Variants in RRAGB observed in about 807,000 individuals in gnomAD.
RRAGB encodes ras-related GTP-binding protein B.
Under a neutral mutation model 29.3 loss-of-function variants are expected in RRAGB, and 6 were observed. The ratio of observed to expected loss-of-function variants is 0.21; its 90% CI spans 0.11 to 0.40. The LOEUF (loss-of-function observed/expected upper bound fraction) is 0.40, where lower values mean the gene tolerates loss of function less well. Ranked by LOEUF, RRAGB falls within the 10% of genes least tolerant of loss-of-function variation. The pLI is 1.00. For synonymous variants in RRAGB, 101 were observed against 92.5 expected, an observed-to-expected ratio of 1.09 and a Z score of -0.53; for missense variants, 184 against 272.9, an observed-to-expected ratio of 0.67 and a Z score of 2.29.
chrX:55,739,331 T>G (rs979289240), intron 5 of RRAGB, among the ~76,000 whole-genome samples: 1 of 112,435 alleles, frequency 8.9e-6, no homozygotes, highest in African/African-American at 3.2e-5. Flanking sequence ...ACTCGAGAGA[T>G]TAGACTGCAG....
Position 55,724,994 on chromosome X carries a change from A to G in RRAGB, c.226+2709A>G, listed in dbSNP as rs145408708. On this transcript the variant is annotated intron_variant, in intron 3 of 9. Coordinates refer to ENST00000374941, the MANE Select transcript of RRAGB (RefSeq NM_006064.5). The stretch of plus-strand genomic sequence containing the variant: ...TGTTGAAGCATCTTTTTCTAGTCCA[A>G]TTGCTGTTGCTGTTTTTATATAGCT... 2.0e-4 allele frequency among the ~76,000 whole-genome samples: 22 copies of G among 111,990 alleles called. No homozygotes were observed. The East Asian group carries it at 5.0e-3, about 26-fold the overall frequency.
chrX:55,756,104 C>T (rs149725679), intron 8 of RRAGB, among the ~76,000 whole-genome samples, 172 bp downstream of exon 8: 1,720 of 111,478 alleles, frequency 0.015, 13 homozygotes, highest in Middle Eastern at 0.041. Flanking sequence ...AGGTCGTTGT[C>T]CTTTAATGCA....
chrX:55,754,278 G>A (rs756620710), intron 7 of RRAGB, among the ~76,000 whole-genome samples: 47 of 112,593 alleles, frequency 4.2e-4, no homozygotes, highest in Admixed American at 3.7e-4. Context: ...AAAGAGGCAT[G>A]TTGGTATTTT....
In RRAGB at chrX:55,726,445, GTCTGTAATA is replaced by G. The variant is rs1477697053; in HGVS notation, c.227-2847_227-2839del. 4.5e-5 allele frequency among the ~76,000 whole-genome samples: 5 copies of G among 111,507 alleles called. No homozygotes were observed. The East Asian group carries it at 8.4e-4, about 19-fold the overall frequency. On this transcript the variant is annotated intron_variant, in intron 3 of 9. Transcript: ENST00000374941. ...CTGCATTTTGGAGAGAGATCACTCT[GTCTGTAATA>G]TGGAGGATAGATTGGAGGGAGGGAA...
intron 5 of RRAGB, among the ~76,000 whole-genome samples, chrX:55,746,671 C>T (rs2034257671): frequency 8.9e-6 from 1 of 112,155 alleles, no homozygotes; most frequent in Non-Finnish European, 1.9e-5. Context: ...TTGAACATTA[C>T]AATGTCCCTA....
In RRAGB at chrX:55,758,232, G is replaced by A. The variant is rs367683161; in HGVS notation, c.944-14G>A. Reference sequence around the variant, plus strand: ...ATACTTAATTCTGTTGGGTGTTTCCGCCCCCGCCCTCAGCTTCTGCAGCTA... The same window carrying A: ...ATACTTAATTCTGTTGGGTGTTTCCACCCCCGCCCTCAGCTTCTGCAGCTA... On this transcript the variant is annotated splice_polypyrimidine_tract_variant and intron_variant, in intron 9 of 9. Coordinates refer to ENST00000374941, the MANE Select transcript of RRAGB (RefSeq NM_006064.5). 3.5e-4 allele frequency: 407 copies of A among 1,152,032 alleles called. 1 individual carries two copies. In the African/African-American group the frequency reaches 5.3e-3, roughly 15 times the overall value. 94.9% of individuals were successfully genotyped at this position (1,152,032 alleles called of 1,213,427 possible).
intron 2 of RRAGB, among the ~76,000 whole-genome samples, chrX:55,719,597 C>A (rs2033186084): frequency 8.9e-6 from 1 of 112,040 alleles, no homozygotes; most frequent in African/African-American, 3.2e-5. Flanking sequence ...CAAATGATTT[C>A]ATGGCCCTTT....
At chrX:55,751,291 G>A in intron 6 of RRAGB, 95 bp downstream of exon 6, 2 of 461,299 alleles carry the variant, frequency 4.3e-6, no homozygotes, top group Non-Finnish European at 7.0e-6. Context: ...CTATTTCATA[G>A]CCATCTAGAT....
intron 5 of RRAGB, among the ~76,000 whole-genome samples, chrX:55,749,127 C>T (rs1300758238): frequency 2.0e-5 from 2 of 98,777 alleles, no homozygotes; most frequent in Non-Finnish European, 4.1e-5. Flanking sequence ...GCCCGGCCAC[C>T]CCTACTGGGA....
intron 5 of RRAGB, among the ~76,000 whole-genome samples, chrX:55,738,837 G>A (rs749930772): frequency 8.0e-5 from 9 of 111,935 alleles, no homozygotes; most frequent in African/African-American, 2.6e-4. Context: ...TGTCTGTTGT[G>A]TTATGCTACC....
chrX:55,726,407 G>A (rs1332466298), intron 3 of RRAGB, among the ~76,000 whole-genome samples: 1 of 111,278 alleles, frequency 9.0e-6, no homozygotes, highest in Non-Finnish European at 1.9e-5. Context: ...TCTGTTTAAA[G>A]AAGAATAAAA....
At chrX:55,756,704 T>A (rs760175677) in intron 8 of RRAGB, among the ~76,000 whole-genome samples, 1 of 112,746 alleles carries the variant, frequency 8.9e-6, no homozygotes, top group African/African-American at 3.2e-5. Context: ...AAATTTCAAC[T>A]TAAGATGCTT....
intron 3 of RRAGB, among the ~76,000 whole-genome samples, chrX:55,728,427 G>A (rs1363110849): frequency 9.0e-6 from 1 of 111,181 alleles, no homozygotes; most frequent in Non-Finnish European, 1.9e-5. Flanking sequence ...TTTGGGGGTT[G>A]GGGAGGCAGT....
At chrX:55,747,812 G>GCTCCCACTCCCTCTCCCT (rs2034294450) in intron 5 of RRAGB, among the ~76,000 whole-genome samples, 1 of 81,215 alleles carries the variant, frequency 1.2e-5, no homozygotes, top group Non-Finnish European at 2.7e-5. Context: ...GATTATTCTC[G>GCTCCCACTCCCTCTCCCT]CTCCCTCTCC....
chrX:55,753,034 AT>A (rs1284245454), intron 6 of RRAGB, among the ~76,000 whole-genome samples: 1 of 112,223 alleles, frequency 8.9e-6, no homozygotes, highest in Non-Finnish European at 1.9e-5. Flanking sequence ...TTGGACTTAA[AT>A]ATTTGTGACT....
chrX:55,755,272 C>T (rs1305588552), intron 7 of RRAGB: 1 of 749,924 alleles, frequency 1.3e-6, no homozygotes, highest in East Asian at 1.5e-4. Context: ...ATAGGTAATA[C>T]TTGTGTGGTT....
At chrX:55,733,970 T>TC (rs1317722437) in intron 5 of RRAGB, among the ~76,000 whole-genome samples, 2 of 103,597 alleles carry the variant, frequency 1.9e-5, no homozygotes, top group Non-Finnish European at 4.0e-5. Flanking sequence ...TTTTTGTTTC[T>TC]TTTTTTTTTT....
In RRAGB at chrX:55,729,316, T is replaced by C. The variant is rs1267471674; in HGVS notation, c.249T>C (p.Val83=). 8.3e-7 allele frequency: 1 copy of C among 1,199,480 alleles called. No homozygotes were observed. The highest frequency in any genetic ancestry group is 1.1e-6 in the Non-Finnish European group (1 of 886,380). Residue 83 remains valine (V), a synonymous_variant, in exon 4 of 10, where the codon GTT becomes GTC. Transcript: ENST00000374941. The part of the protein sequence containing the change: ...GATIDVEHSH[V]RFLGNLVLNL... ...CAGTTGATGTAGAACATTCTCATGT[T>C]CGATTTCTGGGAAACCTGGTATTGA...
At chrX:55,752,738 AGT>A (rs1376044139) in intron 6 of RRAGB, among the ~76,000 whole-genome samples, 1 of 111,512 alleles carries the variant, frequency 9.0e-6, no homozygotes, top group Non-Finnish European at 1.9e-5. Context: ...ATAGAGGGAG[AGT>A]GTGGTTAATT....
Sources: allele counts gnomAD v4.1 joint callset (sites outside exome capture counted in the v4.1 genomes callset), GRCh38; gene constraint gnomAD v4.1.1; transcripts MANE v1.5; gene names NCBI Gene and HGNC (gene_info 2026-07-23, HGNC 2026-07-21).